CNKSR2: variants seen among roughly 807,000 people sequenced by gnomAD.
CNKSR2 encodes connector enhancer of kinase suppressor of Ras 2.
CNKSR2 carries 14 observed loss-of-function variants against 84.4 expected under a neutral mutation model. The observed-to-expected ratio is 0.17, with a 90% confidence interval of 0.11 to 0.26. The LOEUF (loss-of-function observed/expected upper bound fraction) is 0.26. Among genes scored for constraint, CNKSR2 ranks in the 10% least tolerant of loss-of-function variants. The pLI is 1.00. For missense variants in CNKSR2, 485 were observed against 771.2 expected (o/e 0.63, Z 4.40); for synonymous variants, 275 against 277.9 (o/e 0.99, Z 0.10).
At chrX:21,376,562 A>G (rs1055735513) in intron 1 of CNKSR2, among the ~76,000 whole-genome samples, 1 of 111,665 alleles carries the variant, frequency 9.0e-6, no homozygotes, top group African/African-American at 3.3e-5. Context: ...TGTATTTGCT[A>G]TTGAAATTCC....
At chrX:21,402,627 A>G (rs2090207295) in intron 1 of CNKSR2, among the ~76,000 whole-genome samples, 1 of 110,913 alleles carries the variant, frequency 9.0e-6, no homozygotes, top group Non-Finnish European at 1.9e-5. Context: ...GTAAATAAAT[A>G]TTTTTATATT....
In CNKSR2 at chrX:21,628,196, G is replaced by A. The variant is rs1395586424; in HGVS notation, c.2692+18579G>A. Among the ~76,000 whole-genome samples the A allele has an allele frequency of 2.7e-5, 3 of 112,184 alleles. No individual in the cohort carries two copies. The Admixed American group carries it at 2.8e-4, about 11-fold the overall frequency. On this transcript the variant is annotated intron_variant, in intron 20 of 21. Transcript: ENST00000379510. ...CCATGTCTCACATACAGGTCACACT[G>A]ATACAAGAGGTGGGTTTCCATGGTC...
At chrX:21,462,410 C>A (rs909206261) in intron 4 of CNKSR2, among the ~76,000 whole-genome samples, 5 of 111,750 alleles carry the variant, frequency 4.5e-5, no homozygotes, top group Non-Finnish European at 7.5e-5. Context: ...TAAACTTGAT[C>A]ATCAATTCTA....
At position 21,653,163 on chromosome X, in the gene CNKSR2, A is replaced by G. The variant is rs764429984; in HGVS notation, c.*642A>G. The G allele has an allele frequency of 8.9e-6, 1 of 111,846 alleles. No homozygotes were observed. Among genetic ancestry groups the G allele is most frequent in the South Asian group, 3.7e-4 (1 of 2,681 alleles). 9.2% of individuals were successfully genotyped at this position (111,846 alleles called of 1,213,427 possible). On this transcript the variant is annotated 3_prime_UTR_variant, in exon 22 of 22. Transcript: ENST00000379510. ...AATATTATTCCAAATCTATGAGAAC[A>G]CTTGGTGTATCAGGGCAAAGCTTTG... is the stretch of plus-strand genomic sequence containing the variant.
intron 1 of CNKSR2, among the ~76,000 whole-genome samples, chrX:21,403,188 C>CT (rs1189070428): frequency 1.8e-5 from 2 of 111,094 alleles, no homozygotes; most frequent in Non-Finnish European, 3.8e-5. Context: ...ATGGCAGACT[C>CT]TCCCCCACCT....
At chrX:21,510,424 G>T (rs957341076) in intron 8 of CNKSR2, among the ~76,000 whole-genome samples, 3 of 111,441 alleles carry the variant, frequency 2.7e-5, no homozygotes, top group African/African-American at 9.8e-5. Flanking sequence ...CTGGCTACTT[G>T]GGACCATAGA....
chrX:21,550,445 A>G (rs1018185993), intron 11 of CNKSR2, among the ~76,000 whole-genome samples: 1 of 112,483 alleles, frequency 8.9e-6, no homozygotes, highest in African/African-American at 3.2e-5. Flanking sequence ...GTGGAGAAAT[A>G]GGAACACTTT....
intron 8 of CNKSR2, among the ~76,000 whole-genome samples, chrX:21,509,722 T>A (rs996947257): frequency 3.6e-5 from 4 of 111,834 alleles, no homozygotes; most frequent in African/African-American, 9.7e-5. Flanking sequence ...AGACTTTTTT[T>A]ATTAATATTT....
chrX:21,572,941 T>A (rs2092294063), intron 13 of CNKSR2, among the ~76,000 whole-genome samples: 1 of 111,707 alleles, frequency 9.0e-6, no homozygotes, highest in Non-Finnish European at 1.9e-5. Flanking sequence ...TCCAAAGTCT[T>A]ACCTGAGACA....
At chrX:21,466,054 A>G (rs1196702776) in intron 4 of CNKSR2, among the ~76,000 whole-genome samples, 1 of 111,985 alleles carries the variant, frequency 8.9e-6, no homozygotes, top group Non-Finnish European at 1.9e-5. Flanking sequence ...ATGTAAATGC[A>G]TCACATAATT....
chrX:21,513,490 G>A (rs766894811), intron 8 of CNKSR2, among the ~76,000 whole-genome samples: 1 of 111,950 alleles, frequency 8.9e-6, no homozygotes, highest in African/African-American at 3.2e-5. Flanking sequence ...TCTTGGTATT[G>A]ATCTATTTCA....
chrX:21,558,984 G>T (rs1416534140), intron 11 of CNKSR2, among the ~76,000 whole-genome samples: 1 of 110,867 alleles, frequency 9.0e-6, no homozygotes, highest in Non-Finnish European at 1.9e-5. Flanking sequence ...AGATCCTAAA[G>T]AAATAAATTG....
At chrX:21,561,212 A>T (rs182063249) in intron 11 of CNKSR2, among the ~76,000 whole-genome samples, 2 of 109,600 alleles carry the variant, frequency 1.8e-5, no homozygotes, top group East Asian at 5.7e-4. Context: ...TATACCCTTA[A>T]AGTCTGGGGT....
chrX:21,409,092 T>C (rs2090303395), intron 1 of CNKSR2, among the ~76,000 whole-genome samples: 1 of 107,066 alleles, frequency 9.3e-6, no homozygotes, highest in African/African-American at 3.4e-5. Flanking sequence ...GGGCAATCCA[T>C]TTGACTTTTA....
chrX:21,440,020 A>T (rs748673031), intron 3 of CNKSR2, among the ~76,000 whole-genome samples: 2 of 110,577 alleles, frequency 1.8e-5, no homozygotes, highest in African/African-American at 6.5e-5. Context: ...ATATTACCAA[A>T]CTAAATCTAA....
chrX:21,421,287 G>GTTTTTTTTTTTTTTTTTTTTTTTT (rs756375947), intron 1 of CNKSR2, among the ~76,000 whole-genome samples: 1 of 86,941 alleles, frequency 1.2e-5, no homozygotes, highest in Non-Finnish European at 2.3e-5. Context: ...ATTTAAGATG[G>GTTTTTTTTTTTTTTTTTTTTTTTT]TTTTTTTTTT....
intron 5 of CNKSR2, among the ~76,000 whole-genome samples, chrX:21,476,466 T>C (rs1356800874): frequency 8.9e-6 from 1 of 111,751 alleles, no homozygotes; most frequent in East Asian, 2.8e-4. Flanking sequence ...ATAGTACATA[T>C]ATTGAACTAG....
chrX:21,479,014 C>T (rs532880543), intron 5 of CNKSR2, among the ~76,000 whole-genome samples: 12 of 111,538 alleles, frequency 1.1e-4, no homozygotes, highest in Admixed American at 2.9e-4. Flanking sequence ...ACCTGAATGG[C>T]GTACATTGTA....
At chrX:21,451,545 G>A (rs1451692807) in intron 4 of CNKSR2, among the ~76,000 whole-genome samples, 1 of 109,264 alleles carries the variant, frequency 9.2e-6, no homozygotes, top group African/African-American at 3.3e-5. Flanking sequence ...CATGTCCTTT[G>A]TAGGGACATG....
Sources: allele counts gnomAD v4.1 joint callset (sites outside exome capture counted in the v4.1 genomes callset), GRCh38; gene constraint gnomAD v4.1.1; transcripts MANE v1.5; gene names NCBI Gene and HGNC (gene_info 2026-07-23, HGNC 2026-07-21).